COX10: variants seen among roughly 807,000 people sequenced by gnomAD.
COX10 encodes protoheme IX farnesyltransferase, mitochondrial.
A neutral mutation model predicts 37.3 loss-of-function variants in COX10; 27 were observed. The ratio of observed to expected loss-of-function variants is 0.72; its 90% CI spans 0.53 to 1.00. The LOEUF (loss-of-function observed/expected upper bound fraction) is 1.00, where lower values mean the gene tolerates loss of function less well. Ranked by LOEUF, COX10 falls within the 50% of genes least tolerant of loss-of-function variation. COX10 has a pLI of 0.00. For missense variants in COX10, 475 were observed against 563.2 expected (o/e 0.84, Z 1.59); for synonymous variants, 222 against 229.1 (o/e 0.97, Z 0.28).
At chr17:14,133,399 T>A (rs1377411200) in intron 4 of COX10, among the ~76,000 whole-genome samples, 2 of 151,632 alleles carry the variant, frequency 1.3e-5, no homozygotes, top group Non-Finnish European at 3.0e-5. Context: ...ATAATACTAT[T>A]AATTTTTAAA....
intron 6 of COX10, among the ~76,000 whole-genome samples, chr17:14,193,400 A>G (rs62052069): frequency 0.15 from 22,680 of 151,232 alleles, 2,040 homozygotes; most frequent in Non-Finnish European, 0.22. Flanking sequence ...TGAGGGCTCA[A>G]TTTGGGATCT....
intron 5 of COX10, among the ~76,000 whole-genome samples, chr17:14,166,794 T>C (rs1402849202): frequency 1.4e-5 from 2 of 145,520 alleles, no homozygotes; most frequent in East Asian, 4.0e-4. Flanking sequence ...TCTTTTTTTT[T>C]TTTTTTTTTT....
chr17:14,161,529 G>T (rs181562926), intron 5 of COX10, among the ~76,000 whole-genome samples: 1 of 152,318 alleles, frequency 6.6e-6, no homozygotes, highest in Non-Finnish European at 1.5e-5. Context: ...ATTATTTTGG[G>T]TGTGTCTGTG....
At chr17:14,093,238 G>A (rs965681738) in intron 3 of COX10, among the ~76,000 whole-genome samples, 1 of 151,922 alleles carries the variant, frequency 6.6e-6, no homozygotes, top group African/African-American at 2.4e-5. Context: ...TTGGACTTTT[G>A]TTTTTTCTCT....
At chr17:14,195,024 G>A (rs1906326406) in intron 6 of COX10, among the ~76,000 whole-genome samples, 1 of 152,174 alleles carries the variant, frequency 6.6e-6, no homozygotes, top group South Asian at 2.1e-4. Flanking sequence ...GCATTGTGGG[G>A]CACACAGTAA....
chr17:14,187,306 T>C (rs1266652921), intron 5 of COX10, among the ~76,000 whole-genome samples: 3 of 152,204 alleles, frequency 2.0e-5, no homozygotes, highest in Non-Finnish European at 4.4e-5. Context: ...AACATGCTTT[T>C]TGATTTTTAA....
intron 3 of COX10, among the ~76,000 whole-genome samples, chr17:14,098,548 T>C (rs1915702285): frequency 6.6e-6 from 1 of 152,164 alleles, no homozygotes; most frequent in Admixed American, 6.6e-5. Flanking sequence ...ACGAAAAAGC[T>C]TCCTCAAAGA....
chr17:14,157,167 G>A (rs910762759), intron 4 of COX10, among the ~76,000 whole-genome samples: 5 of 152,116 alleles, frequency 3.3e-5, no homozygotes, highest in Non-Finnish European at 7.3e-5. Context: ...TGGCTTGTGC[G>A]CCTTAAAAAC....
At chr17:14,206,685 T>G in intron 6 of COX10, 125 bp from the exon 7 acceptor site, 30 of 1,230,188 alleles carry the variant, frequency 2.4e-5, no homozygotes, top group Non-Finnish European at 3.3e-5. Flanking sequence ...CAGGCAGCGA[T>G]GAGAGCACAG....
At chr17:14,093,080 A>G (rs17609880) in intron 3 of COX10, among the ~76,000 whole-genome samples, 23,212 of 152,184 alleles carry the variant, frequency 0.15, 1,945 homozygotes, top group Non-Finnish European at 0.19. Flanking sequence ...ACAGTGTTGC[A>G]TAGTATCTGC....
chr17:14,202,715 G>A (rs1205001043), intron 6 of COX10, among the ~76,000 whole-genome samples: 1 of 151,786 alleles, frequency 6.6e-6, no homozygotes, highest in African/African-American at 2.4e-5. Flanking sequence ...CCCCACCTGA[G>A]TAACCCCCCT....
At position 14,069,790 on chromosome 17, in the gene COX10, C is replaced by G. The variant is rs1257152961; in HGVS notation, c.43+142C>G. Reference sequence around the variant, plus strand: ...ACCGGTGTGGTGGGGGAAATGACCTCTGGAGTAGCTTGGAGTGAAGAGGTC... The same window carrying G: ...ACCGGTGTGGTGGGGGAAATGACCTGTGGAGTAGCTTGGAGTGAAGAGGTC... On this transcript the variant is annotated intron_variant, in intron 1 of 6. Coordinates refer to ENST00000261643, the MANE Select transcript of COX10 (RefSeq NM_001303.4). 6 of 987,430 alleles carry G rather than the reference C, an allele frequency of 6.1e-6. No individual in the cohort carries two copies. In the African/African-American group the frequency reaches 9.6e-5, roughly 16 times the overall value. The allele number at this position is 987,430 out of a possible 1,614,324, so 61.2% of individuals were successfully genotyped here.
At chr17:14,077,157 C>T in intron 3 of COX10, 101 bp downstream of exon 3, 2 of 1,096,304 alleles carry the variant, frequency 1.8e-6, no homozygotes, top group Non-Finnish European at 2.6e-6. Context: ...TTTGGAACTG[C>T]AGGTCCTGTC....
intron 5 of COX10, among the ~76,000 whole-genome samples, chr17:14,186,789 G>A (rs1328344220): frequency 1.3e-5 from 2 of 152,086 alleles, no homozygotes; most frequent in East Asian, 3.8e-4. Flanking sequence ...AGCAGACCCA[G>A]GAAAGAAGAG....
rs990999113 is a variant in COX10, at chr17:14,102,245, C to G, written c.624+3C>G. 6.2e-7 allele frequency: 1 copy of G among 1,613,586 alleles called. No individual in the cohort carries two copies. Among genetic ancestry groups the G allele is most frequent in the African/African-American group, 1.3e-5 (1 of 75,002 alleles). On this transcript the variant is annotated splice_donor_region_variant and intron_variant, in intron 4 of 6. Coordinates refer to ENST00000261643, the MANE Select transcript of COX10 (RefSeq NM_001303.4). ...GTGCTGCCAACTCCATCAATCAGGT[C>G]AGTTTCTCACTTTCATCTAAATTAT...
Position 14,069,832 on chromosome 17 carries a change from G to T in COX10, c.43+184G>T, listed in dbSNP as rs2302106. 5.5e-3 allele frequency among the ~76,000 whole-genome samples: 833 copies of T among 152,304 alleles called. 24 individuals are homozygous for T. In the East Asian group the frequency reaches 0.074, roughly 14 times the overall value. On this transcript the variant is annotated intron_variant, in intron 1 of 6. Transcript: ENST00000261643. ...GAAGAGGTCACGGAGCTAGGGTCCA[G>T]TCTTGCACTGTGGCTTTAGTGGTCC...
At chr17:14,175,083 C>CGGCGGGGGGGGG (rs1210479535) in intron 5 of COX10, among the ~76,000 whole-genome samples, 1 of 16,332 alleles carries the variant, frequency 6.1e-5, no homozygotes, top group African/African-American at 9.4e-5. Flanking sequence ...TGGGAAATAG[C>CGGCGGGGGGGGG]GGGGGGGGGG....
chr17:14,099,822 T>C (rs80173734), intron 3 of COX10, among the ~76,000 whole-genome samples: 2,396 of 152,186 alleles, frequency 0.016, 32 homozygotes, highest in Admixed American at 0.02. Flanking sequence ...CTGCGTTCTT[T>C]ATATTTCTAC....
chr17:14,134,369 A>C (rs1169106725), intron 4 of COX10, among the ~76,000 whole-genome samples: 1 of 151,860 alleles, frequency 6.6e-6, no homozygotes, highest in African/African-American at 2.4e-5. Flanking sequence ...TTCAATCATC[A>C]AGAAATCCAG....
Sources: gnomAD v4.1 joint callset for allele counts (sites outside exome capture counted in the v4.1 genomes callset) on GRCh38, gnomAD v4.1.1 for gene constraint, MANE v1.5 for transcripts, NCBI Gene and HGNC (gene_info 2026-07-23, HGNC 2026-07-21) for gene names.